The following MSH6 variants were observed in gnomAD, a reference collection of about 807,000 sequenced individuals.
MSH6 encodes the protein DNA mismatch repair protein Msh6.
In MSH6, 85 loss-of-function variants were observed where a neutral mutation model predicts 119.1. The observed-to-expected ratio is 0.71, with a 90% CI of 0.60 to 0.85. The LOEUF (loss-of-function observed/expected upper bound fraction) is 0.85. Ranked by LOEUF, MSH6 falls within the 40% of genes least tolerant of loss-of-function variation. The probability of loss-of-function intolerance (pLI) is 0.00; values close to 1 mark genes in which losing one functional copy is unlikely to be tolerated. For missense variants in MSH6, 2,163 were observed against 1,655.3 expected, an observed-to-expected ratio of 1.31 and a Z score of -5.32; for synonymous variants, 830 against 586.9, an observed-to-expected ratio of 1.41 and a Z score of -5.99.
At position 47,805,709 on chromosome 2, in the gene MSH6, T is replaced by C. The variant is rs1553332776; in HGVS notation, c.3646+2T>C. 6.3e-7 allele frequency: 1 copy of C among 1,593,390 alleles called. No individual in the cohort carries two copies. On this transcript the variant is annotated splice_donor_variant, in intron 7 of 9. Coordinates refer to ENST00000234420, the MANE Select transcript of MSH6 (RefSeq NM_000179.3). LOFTEE classifies it high-confidence loss of function. ...CTCTGGTGCTTGTGGATGAATTAGG[T>C]AAGACATTAAACTTCTCATTTGAAG... is the stretch of plus-strand genomic sequence containing the variant.
In MSH6 at chr2:47,799,508, G is replaced by C. The variant is rs876660317; in HGVS notation, c.1525G>C (p.Val509Leu). ...ACATATATCCAAGTATGATAGAGTG[G>C]TGAGGAGGGAGATCTGTAGGATCAT... The part of the protein sequence containing the change: ...MAHISKYDRV[V>L]RREICRIITK... The change falls in exon 4 of 10, where the codon GTG (valine) becomes CTG (leucine). Residue 509 changes from valine to leucine, a missense_variant. Val to Leu is a conservative substitution (Grantham distance 32, BLOSUM62 1). Coordinates refer to ENST00000234420, the MANE Select transcript of MSH6 (RefSeq NM_000179.3). The C allele has an allele frequency of 5.6e-6, 9 of 1,614,178 alleles. No individual in the cohort carries two copies. The highest frequency in any genetic ancestry group is 1.3e-5 in the African/African-American group (1 of 75,054).
Position 47,805,686 on chromosome 2 carries a change from C to T in MSH6, c.3625C>T (p.Leu1209=), listed in dbSNP as rs753675331. The change falls in exon 7 of 10, where the codon CTG becomes TTG. Residue 1209 remains leucine, a synonymous_variant. Transcript: ENST00000234420. ...ACTCATGCATGCAACAGCACATTCT[C>T]TGGTGCTTGTGGATGAATTAGGTAA... ...SILMHATAHS[L]VLVDELGRGT... is the part of the protein sequence containing the mutation. 1.2e-5 allele frequency: 19 copies of T among 1,611,268 alleles called. No individual in the cohort carries two copies. In the East Asian group the frequency reaches 4.0e-4, roughly 34 times the overall value.
intron 3 of MSH6, among the ~76,000 whole-genome samples, chr2:47,796,349 T>C (rs1669094484): frequency 6.6e-6 from 1 of 152,132 alleles, no homozygotes; most frequent in Non-Finnish European, 1.5e-5. Flanking sequence ...ACAGTAAAGA[T>C]GGAGTAATAT....
chr2:47,786,893 C>G (rs192411937), intron 1 of MSH6, among the ~76,000 whole-genome samples: 4 of 152,138 alleles, frequency 2.6e-5, no homozygotes, highest in African/African-American at 9.7e-5. Flanking sequence ...ACTTCAGCCT[C>G]CCAACCTGTT....
At position 47,803,619 on chromosome 2, in the gene MSH6, T is replaced by C. The variant is rs2104482944; in HGVS notation, c.3372T>C (p.Asn1124=). The C allele has an allele frequency of 1.9e-6, 3 of 1,614,130 alleles. No individual in the cohort carries two copies. Among genetic ancestry groups the C allele is most frequent in the Non-Finnish European group, 2.5e-6 (3 of 1,180,024 alleles). The part of the protein sequence containing the change: ...LIGCEEEEQE[N]GKAYCVLVTG... ...GCTGTGAGGAAGAGGAGCAGGAAAA[T>C]GGCAAAGCCTATTGTGTGCTTGTTA... Residue 1124 remains asparagine (N), a synonymous_variant, in exon 5 of 10, where the codon AAT becomes AAC. Transcript: ENST00000234420.
Position 47,799,034 on chromosome 2 carries a change from C to T in MSH6, c.1051C>T (p.His351Tyr), listed in dbSNP as rs587779911. Residue 351 changes from histidine (H) to tyrosine (Y), a missense_variant, in exon 4 of 10, where the codon CAC becomes TAC. Coordinates refer to ENST00000234420, the MANE Select transcript of MSH6 (RefSeq NM_000179.3). ...CCCTCAAAATTCTGAATCCCAAGCC[C>T]ACGTTAGTGGAGGTGGTGATGACAG... is the stretch of plus-strand genomic sequence containing the variant. ...SAPQNSESQAHVSGGGDDSSR... is the reference protein window; with the variant it reads ...SAPQNSESQAYVSGGGDDSSR... The T allele has an allele frequency of 6.2e-7, 1 of 1,614,164 alleles. No individual in the cohort carries two copies. Among genetic ancestry groups the T allele is most frequent in the Admixed American group, 1.7e-5 (1 of 60,014 alleles).
intron 2 of MSH6, among the ~76,000 whole-genome samples, chr2:47,792,133 ACTGTGC>A (rs1668768044): frequency 6.6e-6 from 1 of 152,068 alleles, no homozygotes; most frequent in African/African-American, 2.4e-5. Context: ...GGCGTGAGCC[ACTGTGC>A]CCAGCCGCCC....
At chr2:47,802,449 G>T (rs1255904835) in intron 4 of MSH6, among the ~76,000 whole-genome samples, 1 of 151,968 alleles carries the variant, frequency 6.6e-6, no homozygotes, top group Non-Finnish European at 1.5e-5. Flanking sequence ...TCCTTCCTCA[G>T]CCTCCTGAGT....
rs2104314419 is a variant in MSH6 at position 47,799,009 on chromosome 2, C to T, written c.1026C>T (p.Ala342=). The T allele has an allele frequency of 1.2e-6, 2 of 1,614,138 alleles. No individual in the cohort carries two copies. The highest frequency in any genetic ancestry group is 1.3e-5 in the African/African-American group (1 of 75,030). Residue 342 remains alanine (A), a synonymous_variant, in exon 4 of 10, where the codon GCC becomes GCT. Coordinates refer to ENST00000234420, the MANE Select transcript of MSH6 (RefSeq NM_000179.3). ...ETKNTLRAFS[A]PQNSESQAHV... is the part of the protein sequence containing the mutation. ...AGAATACTTTGAGAGCTTTCTCTGC[C>T]CCTCAAAATTCTGAATCCCAAGCCC...
At chr2:47,795,605 A>G (rs1178307226) in intron 2 of MSH6, among the ~76,000 whole-genome samples, 1 of 151,586 alleles carries the variant, frequency 6.6e-6, no homozygotes, top group Non-Finnish European at 1.5e-5. Context: ...AGCTGGGACT[A>G]CAGGCGCACA....
chr2:47,803,743 T>A (rs2104488697), intron 5 of MSH6, 58 bp downstream of exon 5: 2 of 1,596,354 alleles, frequency 1.3e-6, no homozygotes, highest in Non-Finnish European at 8.6e-7. Flanking sequence ...AGGAATAACA[T>A]ACTTAGGTGA....
At position 47,783,180 on chromosome 2, in the gene MSH6, G is replaced by C. The variant is rs1303652063; in HGVS notation, c.-54G>C. 2.5e-6 allele frequency: 4 copies of C among 1,602,896 alleles called. No homozygotes were observed. The highest frequency in any genetic ancestry group is 1.1e-5 in the South Asian group (1 of 89,722). ...CCAGCAGGAGCCGCGCGGTAGATGCGGTGCTTTTAGGAGCTCCGTCCGACA... is the reference window on the plus strand; with the variant it reads ...CCAGCAGGAGCCGCGCGGTAGATGCCGTGCTTTTAGGAGCTCCGTCCGACA... On this transcript the variant is annotated 5_prime_UTR_variant, in exon 1 of 10. Transcript: ENST00000234420.
At position 47,791,154 on chromosome 2, in the gene MSH6, T is replaced by TTG. The variant is rs397839804; in HGVS notation, c.457+52_457+53dup. 0.011 allele frequency: 13,905 copies of TTG among 1,312,106 alleles called. 347 individuals are homozygous for TTG. The African/African-American group carries it at 0.11, about 11-fold the overall frequency. The allele number at this position is 1,312,106 out of a possible 1,614,324, so 81.3% of individuals were successfully genotyped here. ...AGTCACTACTGCCATGTGTGTGTGTTTGTGTGTGTGTGTGTGTGTGTGAGA... is the reference window on the plus strand; with the variant it reads ...AGTCACTACTGCCATGTGTGTGTGTTTGTGTGTGTGTGTGTGTGTGTGTGAGA... On this transcript the variant is annotated intron_variant, in intron 2 of 9. Transcript: ENST00000234420.
At chr2:47,784,213 G>A in intron 1 of MSH6, 1 of 1,004,100 alleles carries the variant, frequency 1.0e-6, no homozygotes, top group Non-Finnish European at 1.2e-6. Context: ...GGGAGCCGAA[G>A]TGCTGGGATC....
At position 47,800,966 on chromosome 2, in the gene MSH6, G is replaced by C. The variant is rs63750258; in HGVS notation, c.2983G>C (p.Glu995Gln). Residue 995 changes from glutamate to glutamine, a missense_variant, in exon 4 of 10, where the codon GAG becomes CAG. By Grantham distance (29) the Glu-to-Gln change is conservative (BLOSUM62 2). Coordinates refer to ENST00000234420, the MANE Select transcript of MSH6 (RefSeq NM_000179.3). ...FTTRNLPEEY[E>Q]LKSTKKGCKR... ...CACTCGCAATTTGCCAGAAGAATAC[G>C]AGTTGAAATCTACCAAGAAGGGCTG... 3 of 1,562,720 alleles carry C rather than the reference G, an allele frequency of 1.9e-6. No individual in the cohort carries two copies. In the East Asian group the frequency reaches 6.7e-5, roughly 35 times the overall value.
Position 47,800,903 on chromosome 2 carries a change from A to G in MSH6, c.2920A>G (p.Arg974Gly), listed in dbSNP as rs775407589. ...CRTIVYWGIG[R>G]NRYQLEIPEN... ...GACCATAGTCTATTGGGGGATTGGT[A>G]GGAACCGTTACCAGCTGGAAATTCC... Residue 974 changes from arginine to glycine, a missense_variant, in exon 4 of 10, where the codon AGG becomes GGG. By Grantham distance (125) the Arg-to-Gly change is moderately radical (BLOSUM62 -2). Coordinates refer to ENST00000234420, the MANE Select transcript of MSH6 (RefSeq NM_000179.3). 5 of 1,592,238 alleles carry G rather than the reference A, an allele frequency of 3.1e-6. No individual in the cohort carries two copies. The highest frequency in any genetic ancestry group is 1.4e-5 in the African/African-American group (1 of 73,784).
At position 47,788,906 on chromosome 2, in the gene MSH6, C is replaced by CTTTTTTTTTTTTTTTTTTTTTTTTT. The variant is rs1491155839; in HGVS notation, c.261-2021_261-2020insTTTTTTTTTTTTTTTTTTTTTTTTT. 1.8e-3 allele frequency among the ~76,000 whole-genome samples: 29 copies of CTTTTTTTTTTTTTTTTTTTTTTTTT among 15,830 alleles called. 5 individuals carry two copies. Among genetic ancestry groups the CTTTTTTTTTTTTTTTTTTTTTTTTT allele is most frequent in the East Asian group, 5.0e-3 (4 of 796 alleles). 10.4% of individuals were successfully genotyped at this position (15,830 alleles called of 152,430 possible). ...GCTATTTCTTTCTTTCTTTCTTCTTCCTTTTTTTTTTTTTTGTTTTTTTTT... is the reference window on the plus strand; with the variant it reads ...GCTATTTCTTTCTTTCTTTCTTCTTCTTTTTTTTTTTTTTTTTTTTTTTTTCTTTTTTTTTTTTTTGTTTTTTTTT... On this transcript the variant is annotated intron_variant, in intron 1 of 9. Transcript: ENST00000234420.
In MSH6 at chr2:47,800,192, G is replaced by A. The variant is rs2104394211; in HGVS notation, c.2209G>A (p.Ala737Thr). 1 of 1,614,192 alleles carries A rather than the reference G, an allele frequency of 6.2e-7. No homozygotes were observed. Among genetic ancestry groups the A allele is most frequent in the South Asian group, 1.1e-5 (1 of 91,082 alleles). Residue 737 changes from alanine to threonine, a missense_variant, in exon 4 of 10, where the codon GCA (alanine) becomes ACA (threonine). Transcript: ENST00000234420. Reference sequence around the variant, plus strand: ...AGCCTATCAACGAATGGTGCTAGATGCAGTGACATTAAACAACTTGGAGAT... The same window carrying A: ...AGCCTATCAACGAATGGTGCTAGATACAGTGACATTAAACAACTTGGAGAT... ...TKAYQRMVLD[A>T]VTLNNLEIFL...
rs1114167730 is a variant in MSH6, at chr2:47,800,804, C to G, written c.2821C>G (p.Leu941Val). ...CTTTGACTCTGATTATGACCAAGCT[C>G]TTGCTGACATAAGAGAAAATGAACA... ...AGFDSDYDQALADIRENEQSL... is the reference protein window; with the variant it reads ...AGFDSDYDQAVADIRENEQSL... The change falls in exon 4 of 10, where the codon CTT (leucine) becomes GTT (valine). Residue 941 changes from leucine to valine, a missense_variant. Leu to Val is a conservative substitution (Grantham distance 32, BLOSUM62 1). Coordinates refer to ENST00000234420, the MANE Select transcript of MSH6 (RefSeq NM_000179.3). The G allele has an allele frequency of 1.2e-6, 2 of 1,614,116 alleles. No individual in the cohort carries two copies. Among genetic ancestry groups the G allele is most frequent in the Non-Finnish European group, 1.7e-6 (2 of 1,180,022 alleles).
Sources: allele counts gnomAD v4.1 joint callset (sites outside exome capture counted in the v4.1 genomes callset), GRCh38; gene constraint gnomAD v4.1.1; transcripts MANE v1.5; gene names NCBI Gene and HGNC (gene_info 2026-07-23, HGNC 2026-07-21).